Variants in GUCY1A2 observed in about 807,000 individuals in gnomAD.
The protein encoded by GUCY1A2 is guanylate cyclase 1 soluble subunit alpha 2.
A neutral mutation model predicts 63.5 loss-of-function variants in GUCY1A2; 27 were observed. That is an observed-to-expected ratio of 0.43 (90% CI 0.31 to 0.59). GUCY1A2 has a LOEUF of 0.59. Among genes scored for constraint, GUCY1A2 ranks in the 20% least tolerant of loss-of-function variants. The pLI is 0.11. For synonymous variants in GUCY1A2, 364 were observed against 343.5 expected, an observed-to-expected ratio of 1.06 and a Z score of -0.66; for missense variants, 768 against 913.3, an observed-to-expected ratio of 0.84 and a Z score of 2.05.
At chr11:106,948,002 G>A (rs904546688) in intron 3 of GUCY1A2, among the ~76,000 whole-genome samples, 41 of 152,000 alleles carry the variant, frequency 2.7e-4, no homozygotes, top group African/African-American at 9.2e-4. Flanking sequence ...ATATTAAGAC[G>A]AATTAGATAA....
In GUCY1A2 at chr11:106,832,484, T is replaced by C. The variant is rs796640637; in HGVS notation, c.1207-22006A>G. 5.3e-5 allele frequency among the ~76,000 whole-genome samples: 8 copies of C among 152,236 alleles called. No individual in the cohort carries two copies. The East Asian group carries it at 7.7e-4, about 15-fold the overall frequency. On this transcript the variant is annotated intron_variant, in intron 4 of 7. Transcript: ENST00000526355. ...GGTGTAAGATGGAGGCTGAAAGAAA[T>C]GATGTGTCCAGGGTCTACGGCTCAG...
intron 3 of GUCY1A2, among the ~76,000 whole-genome samples, chr11:106,975,698 G>A (rs898898680): frequency 6.6e-6 from 1 of 152,118 alleles, no homozygotes; most frequent in Non-Finnish European, 1.5e-5. Flanking sequence ...CTAAACCAAC[G>A]AAAGGGAAAC....
chr11:106,756,774 C>G (rs1403932794), intron 6 of GUCY1A2, among the ~76,000 whole-genome samples: 1 of 152,130 alleles, frequency 6.6e-6, no homozygotes, highest in African/African-American at 2.4e-5. Flanking sequence ...CTAGCTGTCC[C>G]TAACATTTTT....
At chr11:106,752,824 G>A (rs1209214092) in intron 6 of GUCY1A2, among the ~76,000 whole-genome samples, 1 of 152,138 alleles carries the variant, frequency 6.6e-6, no homozygotes, top group Non-Finnish European at 1.5e-5. Flanking sequence ...AAACATACGT[G>A]TGCATATGTC....
chr11:106,869,676 A>C (rs1326904062), intron 4 of GUCY1A2, among the ~76,000 whole-genome samples: 1 of 152,190 alleles, frequency 6.6e-6, no homozygotes, highest in African/African-American at 2.4e-5. Flanking sequence ...AACTAGTTCA[A>C]CCATTGTGGA....
In GUCY1A2 at chr11:106,684,898, A is replaced by G. The variant is rs1862497623; in HGVS notation, c.*2651T>C. The G allele has an allele frequency of 9.7e-6, 2 of 206,768 alleles. No individual in the cohort carries two copies. The highest frequency in any genetic ancestry group is 2.0e-5 in the Non-Finnish European group (2 of 101,240). 12.8% of individuals were successfully genotyped at this position (206,768 alleles called of 1,614,324 possible). A position where few individuals can be genotyped will look rare whatever the true frequency, so the allele number is the denominator to read the frequency against. On this transcript the variant is annotated 3_prime_UTR_variant, in exon 8 of 8. Transcript: ENST00000526355. ...ATGCCACCACATTGTTACAATCACA[A>G]TTCCTAAGAGAAGAGATGTAGATGG...
At chr11:106,804,816 C>G (rs545940234) in intron 5 of GUCY1A2, among the ~76,000 whole-genome samples, 2 of 152,304 alleles carry the variant, frequency 1.3e-5, no homozygotes, top group East Asian at 1.9e-4. Flanking sequence ...GGAAAAGACT[C>G]TGCTTCTTTA....
intron 4 of GUCY1A2, among the ~76,000 whole-genome samples, chr11:106,887,863 T>C (rs1859919892): frequency 6.6e-6 from 1 of 152,228 alleles, no homozygotes; most frequent in Non-Finnish European, 1.5e-5. Context: ...TTAGGTCTCT[T>C]GAATCAGAAT....
chr11:106,757,689 A>G (rs1437676083), intron 6 of GUCY1A2, among the ~76,000 whole-genome samples: 1 of 152,200 alleles, frequency 6.6e-6, no homozygotes, highest in East Asian at 1.9e-4. Context: ...AGGCTGCAGA[A>G]CAGCAAATAT....
intron 7 of GUCY1A2, among the ~76,000 whole-genome samples, chr11:106,707,714 C>T (rs1034598828): frequency 3.3e-5 from 5 of 151,890 alleles, no homozygotes; most frequent in African/African-American, 1.2e-4. Context: ...GAGACACAGT[C>T]GCTGCCCATA....
intron 1 of GUCY1A2, among the ~76,000 whole-genome samples, chr11:107,009,823 C>A (rs991706469): frequency 6.6e-6 from 1 of 152,210 alleles, no homozygotes; most frequent in Non-Finnish European, 1.5e-5. Flanking sequence ...CAAAAATCAG[C>A]CCATAGAGCT....
intron 4 of GUCY1A2, among the ~76,000 whole-genome samples, chr11:106,923,192 A>C (rs1860473063): frequency 6.6e-6 from 1 of 152,230 alleles, no homozygotes; most frequent in Non-Finnish European, 1.5e-5. Context: ...ATTTAAATGT[A>C]ATCACTAATT....
chr11:106,877,048 T>C (rs1859759622), intron 4 of GUCY1A2, among the ~76,000 whole-genome samples: 1 of 152,036 alleles, frequency 6.6e-6, no homozygotes, highest in African/African-American at 2.4e-5. Context: ...ACTTTGAAGA[T>C]GCAGTAAAGG....
chr11:106,784,037 A>G (rs964271941), intron 5 of GUCY1A2, among the ~76,000 whole-genome samples: 1 of 151,794 alleles, frequency 6.6e-6, no homozygotes, highest in Non-Finnish European at 1.5e-5. Flanking sequence ...CTCCTCCTTC[A>G]TCTCTGTCAC....
At position 106,781,822 on chromosome 11, in the gene GUCY1A2, C is replaced by T. The variant is rs181827759; in HGVS notation, c.1693-5240G>A. On this transcript the variant is annotated intron_variant, in intron 5 of 7. Coordinates refer to ENST00000526355, the MANE Select transcript of GUCY1A2 (RefSeq NM_000855.3). Reference sequence around the variant, plus strand: ...GGCTCAAGAGATTTGTGCACCTCAGCCTCCCAAAGTGCTGGGATTACAGGC... The same window carrying T: ...GGCTCAAGAGATTTGTGCACCTCAGTCTCCCAAAGTGCTGGGATTACAGGC... 1.0e-3 allele frequency among the ~76,000 whole-genome samples: 158 copies of T among 152,090 alleles called. 1 individual carries two copies. Among genetic ancestry groups the T allele is most frequent in the African/African-American group, 3.7e-3 (155 of 41,454 alleles).
chr11:106,688,004 C>T (rs535946398), intron 7 of GUCY1A2, among the ~76,000 whole-genome samples: 1 of 152,182 alleles, frequency 6.6e-6, no homozygotes, highest in East Asian at 1.9e-4. Flanking sequence ...AATATTTGTT[C>T]AAGATTGATT....
intron 6 of GUCY1A2, among the ~76,000 whole-genome samples, chr11:106,739,654 T>C (rs140868705): frequency 2.9e-4 from 44 of 152,316 alleles, no homozygotes; most frequent in African/African-American, 9.9e-4. Flanking sequence ...TGCTCCTAAT[T>C]AGTTTCTTAT....
At chr11:106,928,663 C>A (rs1362083986) in intron 4 of GUCY1A2, among the ~76,000 whole-genome samples, 1 of 152,142 alleles carries the variant, frequency 6.6e-6, no homozygotes, top group African/African-American at 2.4e-5. Flanking sequence ...CTTACACAAA[C>A]CTAGAGGCAT....
chr11:106,845,282 TA>T (rs575014977), intron 4 of GUCY1A2, among the ~76,000 whole-genome samples: 5,043 of 145,108 alleles, frequency 0.035, 148 homozygotes, highest in African/African-American at 0.084. Context: ...TGCGGCCGAT[TA>T]AAAAAAAAAA....
Sources: allele counts gnomAD v4.1 joint callset (sites outside exome capture counted in the v4.1 genomes callset), GRCh38; gene constraint gnomAD v4.1.1; transcripts MANE v1.5; gene names NCBI Gene and HGNC (gene_info 2026-07-23, HGNC 2026-07-21).